RFPL3: variants seen among roughly 807,000 people sequenced by gnomAD.
RFPL3 encodes the protein ret finger protein like 3, also known as ret finger protein-like 3.
A neutral mutation model predicts 8.7 loss-of-function variants in RFPL3; 8 were observed. The ratio of observed to expected loss-of-function variants is 0.92; its 90% CI spans 0.54 to 1.66. RFPL3 has a LOEUF of 1.66. Among genes scored for constraint, RFPL3 ranks in the 40% most tolerant of loss-of-function variants. RFPL3 has a pLI of 0.00. For missense variants in RFPL3, 341 were observed against 395.0 expected, an observed-to-expected ratio of 0.86 and a Z score of 1.16; for synonymous variants, 145 against 150.5, an observed-to-expected ratio of 0.96 and a Z score of 0.27.
intron 1 of RFPL3, among the ~76,000 whole-genome samples, chr22:32,358,868 A>G (rs746741945): frequency 1.7e-4 from 26 of 152,328 alleles, no homozygotes; most frequent in Non-Finnish European, 3.4e-4. Context: ...TCTAATGCAC[A>G]GTGAATATTG....
In RFPL3 at chr22:32,357,942, A is replaced by G. The variant is rs1932721796; in HGVS notation, c.-130A>G. ...CTTCCTCCACCTCAGCTCAGAGCACAGTGATGATTCGTGACTTTCCCAATA... is the reference window on the plus strand; with the variant it reads ...CTTCCTCCACCTCAGCTCAGAGCACGGTGATGATTCGTGACTTTCCCAATA... On this transcript the variant is annotated 5_prime_UTR_variant, in exon 1 of 2. Transcript: ENST00000249007. 2.6e-6 allele frequency: 4 copies of G among 1,532,404 alleles called. No individual in the cohort carries two copies. The African/African-American group carries it at 4.2e-5, about 16-fold the overall frequency. The allele number at this position is 1,532,404 out of a possible 1,614,324, so 94.9% of individuals were successfully genotyped here.
upstream of RFPL3, among the ~76,000 whole-genome samples, chr22:32,355,251 A>C (rs186036220): frequency 4.3e-3 from 653 of 151,782 alleles, 4 homozygotes; most frequent in Non-Finnish European, 6.6e-3. Context: ...GCCCAATCAG[A>C]GTAGATCTAG....
At chr22:32,354,988 A>C (rs1932614422), upstream of RFPL3, 1 of 152,172 alleles carries the variant, frequency 6.6e-6, no homozygotes, top group South Asian at 2.1e-4. Context: ...TGTGCTCAGG[A>C]AGTGACTCGT....
chr22:32,358,567 A>T (rs1932743791), intron 1 of RFPL3, 123 bp downstream of exon 1: 1 of 1,372,844 alleles, frequency 7.3e-7, no homozygotes, highest in Admixed American at 2.3e-5. Context: ...GAGATGCTTC[A>T]TCATCACATT....
intron 1 of RFPL3, among the ~76,000 whole-genome samples, chr22:32,358,902 C>T (rs1261048282): frequency 1.3e-5 from 2 of 152,206 alleles, no homozygotes; most frequent in African/African-American, 4.8e-5. Context: ...CAAACAACCT[C>T]ACCCCAGGGT....
At chr22:32,359,491 T>C (rs181423206) in intron 1 of RFPL3, among the ~76,000 whole-genome samples, 134 of 152,284 alleles carry the variant, frequency 8.8e-4, no homozygotes, top group African/African-American at 2.9e-3. Context: ...TCCATGAGAA[T>C]TGGCGGCTTC....
chr22:32,357,234 G>A (rs1312158314), upstream of RFPL3, among the ~76,000 whole-genome samples: 2 of 152,012 alleles, frequency 1.3e-5, no homozygotes, highest in Non-Finnish European at 2.9e-5. Context: ...TCCAAGGCTG[G>A]AGAAGGATGT....
chr22:32,360,265 G>T lies in RFPL3; in HGVS notation c.387G>T (p.Leu129Phe). 6.2e-7 allele frequency: 1 copy of T among 1,613,180 alleles called. No individual in the cohort carries two copies. Among genetic ancestry groups the T allele is most frequent in the South Asian group, 1.1e-5 (1 of 91,002 alleles). Residue 129 changes from leucine (L) to phenylalanine (F), a missense_variant, in exon 2 of 2, where the codon TTG (leucine) becomes TTT (phenylalanine). Transcript: ENST00000249007. ...RMRKFQVDMTLDADTANNFLL... is the reference protein window; with the variant it reads ...RMRKFQVDMTFDADTANNFLL... ...TCCTTTTCACAGTGGATATGACCTT[G>T]GATGCCGACACAGCCAACAACTTCC...
chr22:32,356,799 T>C, upstream of RFPL3: 1 of 397,764 alleles, frequency 2.5e-6, no homozygotes, highest in South Asian at 2.0e-5. Context: ...GGCTGTGTGC[T>C]TGTTGCTCTG....
Position 32,360,605 on chromosome 22 carries a change from C to G in RFPL3, c.727C>G (p.Gln243Glu), listed in dbSNP as rs1433182005. ...TTTCCTCTTAGTAGACCGCAAGTTACAGCGAGTGGGGATTTTTCTGGATAT... is the reference window on the plus strand; with the variant it reads ...TTTCCTCTTAGTAGACCGCAAGTTAGAGCGAGTGGGGATTTTTCTGGATAT... Reference protein sequence around the residue: ...LTFLLVDRKLQRVGIFLDMGM... With the variant: ...LTFLLVDRKLERVGIFLDMGM... Residue 243 changes from glutamine (Q) to glutamate (E), a missense_variant, in exon 2 of 2, where the codon CAG becomes GAG. Physicochemically the swap from Gln to Glu is conservative, Grantham distance 29. Coordinates refer to ENST00000249007, the MANE Select transcript of RFPL3 (RefSeq NM_001098535.1). 6.2e-7 allele frequency: 1 copy of G among 1,613,394 alleles called. No homozygotes were observed. Among genetic ancestry groups the G allele is most frequent in the South Asian group, 1.1e-5 (1 of 91,046 alleles).
Position 32,360,635 on chromosome 22 carries a change from A to G in RFPL3, c.757A>G (p.Met253Val). 4.3e-6 allele frequency: 7 copies of G among 1,613,386 alleles called. No individual in the cohort carries two copies. The highest frequency in any genetic ancestry group is 5.1e-6 in the Non-Finnish European group (6 of 1,179,508). Residue 253 changes from methionine (M) to valine (V), a missense_variant, in exon 2 of 2, where the codon ATG becomes GTG. By Grantham distance (21) the Met-to-Val change is conservative. Transcript: ENST00000249007. Reference protein sequence around the residue: ...QRVGIFLDMGMQNVSFFDAES... With the variant: ...QRVGIFLDMGVQNVSFFDAES... Reference sequence around the variant, plus strand: ...AGTGGGGATTTTTCTGGATATGGGCATGCAGAACGTTTCCTTTTTTGATGC... The same window carrying G: ...AGTGGGGATTTTTCTGGATATGGGCGTGCAGAACGTTTCCTTTTTTGATGC...
Position 32,358,509 on chromosome 22 carries a change from G to C in RFPL3, c.373+65G>C, listed in dbSNP as rs1043721692. 2.6e-5 allele frequency: 40 copies of C among 1,541,074 alleles called. No homozygotes were observed. In the Middle Eastern group the frequency reaches 8.8e-4, roughly 34 times the overall value. Reference sequence around the variant, plus strand: ...ACCAGGAAAAATCATCTGTGCAGTTGGCCCCTCATTCCACATGGGGATTAG... The same window carrying C: ...ACCAGGAAAAATCATCTGTGCAGTTCGCCCCTCATTCCACATGGGGATTAG... On this transcript the variant is annotated intron_variant, in intron 1 of 1. Transcript: ENST00000249007.
In RFPL3 at chr22:32,360,681, A is replaced by G. The variant is rs1932775857; in HGVS notation, c.803A>G (p.Tyr268Cys). The change falls in exon 2 of 2, where the codon TAT becomes TGT. Residue 268 changes from tyrosine (Y) to cysteine (C), a missense_variant. Physicochemically the swap from Tyr to Cys is radical, Grantham distance 194 (BLOSUM62 -2). Coordinates refer to ENST00000249007, the MANE Select transcript of RFPL3 (RefSeq NM_001098535.1). The stretch of plus-strand genomic sequence containing the variant: ...GATGCTGAAAGTGGTTCCCATGTCT[A>G]TACATTCAGGAGCGTCTCTGCTGAG... ...FFDAESGSHV[Y>C]TFRSVSAEEP... The G allele has an allele frequency of 3.7e-6, 6 of 1,613,886 alleles. No individual in the cohort carries two copies. The highest frequency in any genetic ancestry group is 1.7e-5 in the Admixed American group (1 of 59,982).
chr22:32,358,174 C>A lies in RFPL3; in HGVS notation c.103C>A (p.Gln35Lys), dbSNP rs778275143. The A allele has an allele frequency of 1.9e-6, 3 of 1,613,834 alleles. No individual in the cohort carries two copies. Among genetic ancestry groups the A allele is most frequent in the East Asian group, 4.5e-5 (2 of 44,886 alleles). ...PLAVDMAALF[Q>K]EASSCPVCSD... The stretch of plus-strand genomic sequence containing the variant: ...GGCAGTGGACATGGCTGCACTCTTC[C>A]AAGAAGCAAGCAGCTGTCCCGTCTG... Residue 35 changes from glutamine to lysine, a missense_variant, in exon 1 of 2, where the codon CAA (glutamine) becomes AAA (lysine). Coordinates refer to ENST00000249007, the MANE Select transcript of RFPL3 (RefSeq NM_001098535.1).
At chr22:32,356,300 A>G (rs1275490157), upstream of RFPL3, among the ~76,000 whole-genome samples, 1 of 152,050 alleles carries the variant, frequency 6.6e-6, no homozygotes, top group Admixed American at 6.6e-5. Context: ...GTAGTCAGCA[A>G]TTGGGGGCCA....
chr22:32,358,765 C>T (rs1053029366), intron 1 of RFPL3, among the ~76,000 whole-genome samples: 4 of 152,204 alleles, frequency 2.6e-5, no homozygotes, highest in Non-Finnish European at 5.9e-5. Context: ...GGCTTGGGGA[C>T]TTTGCTGAGT....
chr22:32,358,346 C>G lies in RFPL3; in HGVS notation c.275C>G (p.Pro92Arg), dbSNP rs748651748. The change falls in exon 1 of 2, where the codon CCC (proline) becomes CGC (arginine). Residue 92 changes from proline (P) to arginine (R), a missense_variant. By Grantham distance (103) the Pro-to-Arg change is moderately radical (BLOSUM62 -2). Transcript: ENST00000249007. ...SMVSQRNKIR[P>R]NRQLERLVSH... is the part of the protein sequence containing the mutation. ...GTCTCTCAGAGGAACAAAATCAGGC[C>G]CAATCGGCAGCTAGAGAGGCTGGTT... 46 of 1,613,964 alleles carry G rather than the reference C, an allele frequency of 2.9e-5. No individual in the cohort carries two copies. Among genetic ancestry groups the G allele is most frequent in the Non-Finnish European group, 3.5e-5 (41 of 1,180,028 alleles).
At chr22:32,356,488 G>A (rs1283277825), upstream of RFPL3, among the ~76,000 whole-genome samples, 1 of 152,170 alleles carries the variant, frequency 6.6e-6, no homozygotes. Flanking sequence ...AACCCAGGGT[G>A]AGTGTCAAAT....
chr22:32,355,816 A>G (rs912286613), upstream of RFPL3, among the ~76,000 whole-genome samples: 1 of 151,628 alleles, frequency 6.6e-6, no homozygotes. Context: ...AAAAGAAAAG[A>G]TGGCTGGCTT....
Sources: allele counts gnomAD v4.1 joint callset (sites outside exome capture counted in the v4.1 genomes callset), GRCh38; gene constraint gnomAD v4.1.1; transcripts MANE v1.5; gene names NCBI Gene and HGNC (gene_info 2026-07-23, HGNC 2026-07-21).